Variants in CHTF18 observed in about 807,000 individuals in gnomAD.
CHTF18 encodes chromosome transmission fidelity protein 18 homolog.
A neutral mutation model predicts 113.4 loss-of-function variants in CHTF18; 151 were observed. The observed-to-expected ratio is 1.33, with a 90% CI of 1.17 to 1.52. CHTF18 has a LOEUF of 1.52. Among genes scored for constraint, CHTF18 ranks in the 40% most tolerant of loss-of-function variants. The pLI, the probability that CHTF18 is intolerant of heterozygous loss-of-function variation, is 0.00. For missense variants in CHTF18, 1,982 were observed against 1,381.6 expected, an observed-to-expected ratio of 1.43 and a Z score of -6.89; for synonymous variants, 916 against 598.8, an observed-to-expected ratio of 1.53 and a Z score of -7.74.
rs2042186119 is a variant in CHTF18 at position 791,206 on chromosome 16, G to A, written c.940G>A (p.Val314Met). The change falls in exon 8 of 22, where the codon GTG becomes ATG. Residue 314 changes from valine to methionine, a missense_variant. Physicochemically the swap from Val to Met is conservative, Grantham distance 21. Coordinates refer to ENST00000262315, the MANE Select transcript of CHTF18 (RefSeq NM_022092.3). ...CAAGTGGCTGAAGTTGTGGGACCTG[G>A]TGGTGTTTGGCCACGAGAGGCCTTC... ...LLKWLKLWDL[V>M]VFGHERPSRK... The A allele has an allele frequency of 6.2e-7, 1 of 1,611,734 alleles. No individual in the cohort carries two copies. Among genetic ancestry groups the A allele is most frequent in the Non-Finnish European group, 8.5e-7 (1 of 1,179,584 alleles).
intron 8 of CHTF18, 139 bp from the exon 9 acceptor site, chr16:791,712 A>G (rs1220534679): frequency 3.1e-5 from 45 of 1,439,466 alleles, no homozygotes; most frequent in Non-Finnish European, 3.9e-5. Context: ...AAAGTGCTCA[A>G]TTTTGTTCTT....
rs775313454 is a variant in CHTF18, at chr16:794,175, G to A, written c.1924G>A (p.Ala642Thr). 1.2e-6 allele frequency: 2 copies of A among 1,612,190 alleles called. No individual in the cohort carries two copies. The highest frequency in any genetic ancestry group is 1.7e-5 in the Admixed American group (1 of 60,012). Reference protein sequence around the residue: ...FYRVLHAAASAGEHEKVVQGL... With the variant: ...FYRVLHAAASTGEHEKVVQGL... Reference sequence around the variant, plus strand: ...CCGTGTCCTGCATGCCGCTGCCTCTGCGGGCGAGCACGAGAAGGTGGTCCA... The same window carrying A: ...CCGTGTCCTGCATGCCGCTGCCTCTACGGGCGAGCACGAGAAGGTGGTCCA... Residue 642 changes from alanine to threonine, a missense_variant, in exon 15 of 22, where the codon GCG (alanine) becomes ACG (threonine). By Grantham distance (58) the Ala-to-Thr change is moderately conservative (BLOSUM62 0). Transcript: ENST00000262315.
intron 8 of CHTF18, 61 bp downstream of exon 8, chr16:791,431 C>T: frequency 3.3e-6 from 5 of 1,502,090 alleles, no homozygotes; most frequent in Non-Finnish European, 4.4e-6. Flanking sequence ...GGCGCCGGCA[C>T]CCTTGCAGCC....
Position 794,133 on chromosome 16 carries a change from G to C in CHTF18, c.1882G>C (p.Ala628Pro). 1 of 1,612,410 alleles carries C rather than the reference G, an allele frequency of 6.2e-7. No homozygotes were observed. The highest frequency in any genetic ancestry group is 2.2e-5 in the East Asian group (1 of 44,866). The change falls in exon 15 of 22, where the codon GCC becomes CCC. Residue 628 changes from alanine (A) to proline (P), a missense_variant. Ala to Pro is a conservative substitution (Grantham distance 27). Coordinates refer to ENST00000262315, the MANE Select transcript of CHTF18 (RefSeq NM_022092.3). Reference sequence around the variant, plus strand: ...CGGGGACGCGGGCTCCCTCACCTCCGCCTCACAGCGATTCTACCGTGTCCT... The same window carrying C: ...CGGGGACGCGGGCTCCCTCACCTCCCCCTCACAGCGATTCTACCGTGTCCT... ...GDGDAGSLTS[A>P]SQRFYRVLHA...
chr16:789,375 C>T lies in CHTF18; in HGVS notation c.437+15C>T. ...TGGGGCCACGGGTGTGTGGCTTGGA[C>T]ATGGGCGTCCCATCCCATCTGTCCA... On this transcript the variant is annotated intron_variant, in intron 3 of 21. Coordinates refer to ENST00000262315, the MANE Select transcript of CHTF18 (RefSeq NM_022092.3). The T allele has an allele frequency of 6.4e-7, 1 of 1,567,844 alleles. No homozygotes were observed. The highest frequency in any genetic ancestry group is 1.4e-5 in the African/African-American group (1 of 73,984).
intron 5 of CHTF18, 28 bp from the exon 6 acceptor site, chr16:790,319 T>C (rs753026191): frequency 3.1e-6 from 5 of 1,611,828 alleles, no homozygotes; most frequent in Non-Finnish European, 4.2e-6. Context: ...GCCTGAGCCC[T>C]CCTGATTCCA....
Position 790,334 on chromosome 16 carries a change from G to T in CHTF18, c.700-13G>T, listed in dbSNP as rs775896514. The T allele has an allele frequency of 1.1e-5, 18 of 1,612,406 alleles. No individual in the cohort carries two copies. The highest frequency in any genetic ancestry group is 7.7e-5 in the South Asian group (7 of 91,010). ...GCCTGAGCCCTCCTGATTCCAGCCT[G>T]TTGTTTGCACAGCGGCGGGAGCGGC... On this transcript the variant is annotated splice_polypyrimidine_tract_variant and intron_variant, in intron 5 of 21. Transcript: ENST00000262315.
At position 789,603 on chromosome 16, in the gene CHTF18, A is replaced by G. The variant is rs1311207228; in HGVS notation, c.494A>G (p.Asn165Ser). 9 of 1,608,092 alleles carry G rather than the reference A, an allele frequency of 5.6e-6. No individual in the cohort carries two copies. The highest frequency in any genetic ancestry group is 3.4e-5 in the Admixed American group (2 of 59,694). ...ACACGGGCCTCACCAGCTGCCCGCA[A>G]TCCCGTCCTGAGGCGGCCCCCCATC... is the stretch of plus-strand genomic sequence containing the variant. ...GLTRASPAARNPVLRRPPILE... is the reference protein window; with the variant it reads ...GLTRASPAARSPVLRRPPILE... Residue 165 changes from asparagine to serine, a missense_variant, in exon 4 of 22, where the codon AAT becomes AGT. Transcript: ENST00000262315.
intron 16 of CHTF18, 67 bp from the exon 17 acceptor site, chr16:795,618 C>T (rs1430904421): frequency 1.6e-5 from 13 of 807,368 alleles, no homozygotes; most frequent in Non-Finnish European, 2.4e-5. Context: ...TGCCCTGGCC[C>T]CACCCACCAT....
intron 18 of CHTF18, among the ~76,000 whole-genome samples, chr16:796,387 T>G (rs2042347938): frequency 6.1e-5 from 9 of 148,538 alleles, no homozygotes; most frequent in Non-Finnish European, 6.0e-5. Flanking sequence ...GGGATGGCCA[T>G]GGGGGTGGTG....
intron 8 of CHTF18, 159 bp downstream of exon 8, chr16:791,529 C>A (rs1167948442): frequency 8.4e-6 from 12 of 1,435,904 alleles, no homozygotes; most frequent in South Asian, 1.5e-5. Flanking sequence ...TGGAGCGTTG[C>A]AGTAACAACT....
At position 792,760 on chromosome 16, in the gene CHTF18, G is replaced by C; in HGVS notation, c.1521G>C (p.Leu507=). Residue 507 remains leucine (L), a synonymous_variant, in exon 12 of 22, where the codon CTG becomes CTC. Transcript: ENST00000262315. ...SLRQLKQQAF[L]LHFPPTLPSR... ...GGCAGCTGAAGCAGCAGGCCTTCCTGCTCCACTTCCCGCCGACTCTGCCCT... is the reference window on the plus strand; with the variant it reads ...GGCAGCTGAAGCAGCAGGCCTTCCTCCTCCACTTCCCGCCGACTCTGCCCT... 3 of 1,550,736 alleles carry C rather than the reference G, an allele frequency of 1.9e-6. No individual in the cohort carries two copies. Among genetic ancestry groups the C allele is most frequent in the Non-Finnish European group, 2.6e-6 (3 of 1,152,352 alleles).
At chr16:795,047 G>C in intron 15 of CHTF18, 85 bp from the exon 16 acceptor site, 1 of 1,102,572 alleles carries the variant, frequency 9.1e-7, no homozygotes, top group Non-Finnish European at 1.3e-6. Context: ...CAGGAGTGGA[G>C]GGTCTGTGGC....
rs1246062167 is a variant in CHTF18, at chr16:788,654, T to C, written c.-31T>C. 8 of 1,481,394 alleles carry C rather than the reference T, an allele frequency of 5.4e-6. No homozygotes were observed. The East Asian group carries it at 1.8e-4, about 33-fold the overall frequency. 91.8% of individuals were successfully genotyped at this position (1,481,394 alleles called of 1,614,324 possible). On this transcript the variant is annotated 5_prime_UTR_variant, in exon 1 of 22. Coordinates refer to ENST00000262315, the MANE Select transcript of CHTF18 (RefSeq NM_022092.3). ...GCGACGGCGGCGGCGGCGCGGGAGGTTCGGAGCGGGAGCTCGGGCTCGCGG... is the reference window on the plus strand; with the variant it reads ...GCGACGGCGGCGGCGGCGCGGGAGGCTCGGAGCGGGAGCTCGGGCTCGCGG...
rs1469426805 is a variant in CHTF18, at chr16:795,991, C to T, written c.2370C>T (p.Ala790=). ...LYSTREKQQL[A]SLVGTMLAYS... Reference sequence around the variant, plus strand: ...GCACCCGTGAAAAGCAACAGCTGGCCAGCCTGGTGGGCACGATGCTCGCTT... The same window carrying T: ...GCACCCGTGAAAAGCAACAGCTGGCTAGCCTGGTGGGCACGATGCTCGCTT... The change falls in exon 18 of 22, where the codon GCC becomes GCT. Residue 790 remains alanine, a synonymous_variant. Transcript: ENST00000262315. The T allele has an allele frequency of 5.0e-6, 8 of 1,608,690 alleles. No individual in the cohort carries two copies. The Admixed American group carries it at 6.7e-5, about 14-fold the overall frequency.
intron 18 of CHTF18, chr16:796,477 C>T (rs1308212623): frequency 1.7e-6 from 1 of 588,512 alleles, no homozygotes; most frequent in Admixed American, 3.3e-5. Context: ...GAGTCACTCT[C>T]CGTGGCAGCC....
chr16:792,249 C>A lies in CHTF18; in HGVS notation c.1228C>A (p.Arg410Ser), dbSNP rs200601381. 3.0e-5 allele frequency: 47 copies of A among 1,567,788 alleles called. 1 individual carries two copies. Among genetic ancestry groups the A allele is most frequent in the Non-Finnish European group, 8.6e-6 (10 of 1,157,544 alleles). The change falls in exon 10 of 22, where the codon CGC (arginine) becomes AGC (serine). Residue 410 changes from arginine to serine, a missense_variant. By Grantham distance (110) the Arg-to-Ser change is moderately radical. Transcript: ENST00000262315. ...ASDDRSPEVF[R>S]TRIEAATQME... ...TGACGACCGTAGCCCGGAGGTCTTC[C>A]GCACACGCATCGAGGCGGCCACCCA...
rs1462581959 is a variant in CHTF18 at position 791,266 on chromosome 16, G to C, written c.1000G>C (p.Val334Leu). 6.2e-7 allele frequency: 1 copy of C among 1,610,606 alleles called. No individual in the cohort carries two copies. Among genetic ancestry groups the C allele is most frequent in the Non-Finnish European group, 8.5e-7 (1 of 1,179,378 alleles). ...KPRPSVEPAR[V>L]SKEATAPGKW... ...CAGGCCCAGTGTTGAGCCGGCCCGG[G>C]TCAGCAAGGAGGCCACAGCCCCAGG... is the stretch of plus-strand genomic sequence containing the variant. Residue 334 changes from valine to leucine, a missense_variant, in exon 8 of 22, where the codon GTC (valine) becomes CTC (leucine). By Grantham distance (32) the Val-to-Leu change is conservative. Coordinates refer to ENST00000262315, the MANE Select transcript of CHTF18 (RefSeq NM_022092.3).
Position 795,936 on chromosome 16 carries a change from C to A in CHTF18, c.2326-11C>A, listed in dbSNP as rs1460904762. 1 of 1,603,630 alleles carries A rather than the reference C, an allele frequency of 6.2e-7. No individual in the cohort carries two copies. Among genetic ancestry groups the A allele is most frequent in the African/African-American group, 1.3e-5 (1 of 74,760 alleles). On this transcript the variant is annotated splice_polypyrimidine_tract_variant and intron_variant, in intron 17 of 21. Coordinates refer to ENST00000262315, the MANE Select transcript of CHTF18 (RefSeq NM_022092.3). ...TGCTCAGCTCCCTGTCTGCTGCCTC[C>A]CATCCCCTAGGTGAGCACACAGCTG...
Sources: gnomAD v4.1 joint callset for allele counts (sites outside exome capture counted in the v4.1 genomes callset) on GRCh38, gnomAD v4.1.1 for gene constraint, MANE v1.5 for transcripts, NCBI Gene and HGNC (gene_info 2026-07-23, HGNC 2026-07-21) for gene names.